Variants in RALB observed in about 807,000 individuals in gnomAD.
The protein encoded by RALB is RAS like proto-oncogene B.
In RALB, 16 loss-of-function variants were observed where a neutral mutation model predicts 21.3. The observed-to-expected ratio is 0.75, with a 90% CI of 0.51 to 1.14. RALB has a LOEUF of 1.14. Ranked by LOEUF, RALB falls within the 50% of genes most tolerant of loss-of-function variation. RALB has a pLI of 0.00. For synonymous variants in RALB, 93 were observed against 96.1 expected (o/e 0.97, Z 0.19); for missense variants, 161 against 256.2 (o/e 0.63, Z 2.54).
intron 1 of RALB, among the ~76,000 whole-genome samples, chr2:120,264,676 T>C (rs901545006): frequency 6.6e-6 from 1 of 152,208 alleles, no homozygotes; most frequent in African/African-American, 2.4e-5. Context: ...TTTACTTTGT[T>C]GTGCAGCCAT....
chr2:120,280,163 G>C (rs2104640990), intron 2 of RALB, among the ~76,000 whole-genome samples: 1 of 152,294 alleles, frequency 6.6e-6, no homozygotes, highest in Admixed American at 6.5e-5. Context: ...AGATCTTACA[G>C]CTTGTACAGT....
At chr2:120,289,333 C>A (rs1349519054) in intron 3 of RALB, among the ~76,000 whole-genome samples, 1 of 150,780 alleles carries the variant, frequency 6.6e-6, no homozygotes, top group Non-Finnish European at 1.5e-5. Context: ...AGACTGAGCC[C>A]AGAAATCTGC....
chr2:120,252,213 G>A (rs184242836), upstream of RALB, among the ~76,000 whole-genome samples: 2 of 152,222 alleles, frequency 1.3e-5, no homozygotes, highest in African/African-American at 4.8e-5. Context: ...GGCTTTGGCA[G>A]GGAGCTTGCC....
intron 3 of RALB, among the ~76,000 whole-genome samples, chr2:120,287,965 T>G (rs1690206364): frequency 6.6e-6 from 1 of 152,224 alleles, no homozygotes; most frequent in African/African-American, 2.4e-5. Flanking sequence ...ATCTTCCAAA[T>G]AGAAAGGCCC....
At chr2:120,288,353 TG>T (rs201020674) in intron 3 of RALB, among the ~76,000 whole-genome samples, 1 of 142,938 alleles carries the variant, frequency 7.0e-6, no homozygotes, top group Admixed American at 6.9e-5. Context: ...TTTTTTTTTT[TG>T]TTTTTTTTTT....
At chr2:120,258,466 AG>A (rs1365093029) in intron 1 of RALB, among the ~76,000 whole-genome samples, 2 of 152,226 alleles carry the variant, frequency 1.3e-5, no homozygotes, top group Non-Finnish European at 2.9e-5. Flanking sequence ...GAAGAAGGCA[AG>A]GAAAAGGCCA....
chr2:120,278,165 C>T (rs551850252), intron 1 of RALB, among the ~76,000 whole-genome samples: 15 of 151,844 alleles, frequency 9.9e-5, no homozygotes, highest in East Asian at 7.7e-4. Context: ...TGAGTGTGTG[C>T]GTGTTGTGGG....
intron 1 of RALB, among the ~76,000 whole-genome samples, chr2:120,274,050 G>C (rs2104623111): frequency 6.6e-6 from 1 of 152,286 alleles, no homozygotes; most frequent in African/African-American, 2.4e-5. Flanking sequence ...ACACGTGTTT[G>C]CAAGGATCCC....
chr2:120,241,734 A>C (rs961338371), intron 1 of RALB, among the ~76,000 whole-genome samples: 3 of 152,100 alleles, frequency 2.0e-5, no homozygotes, highest in African/African-American at 7.3e-5. Context: ...CTCAAAAAAA[A>C]CAAAAAAACA....
At chr2:120,277,946 A>AGCG (rs1491574763) in intron 1 of RALB, among the ~76,000 whole-genome samples, 2 of 69,774 alleles carry the variant, frequency 2.9e-5, no homozygotes, top group Non-Finnish European at 6.0e-5. Context: ...AGCGAGTGTG[A>AGCG]ATGTGTGAAT....
chr2:120,273,739 G>A (rs1689723884), intron 1 of RALB, among the ~76,000 whole-genome samples: 1 of 152,222 alleles, frequency 6.6e-6, no homozygotes, highest in Non-Finnish European at 1.5e-5. Context: ...TTCTTTCACT[G>A]TCAGAATCTT....
intron 1 of RALB, among the ~76,000 whole-genome samples, chr2:120,255,744 C>T: frequency 6.6e-6 from 1 of 152,144 alleles, no homozygotes; most frequent in East Asian, 1.9e-4. Context: ...AAAGTAGCTG[C>T]TTATAATTTT....
intron 2 of RALB, chr2:120,280,799 T>C (rs1558955255): frequency 5.3e-6 from 2 of 379,258 alleles, no homozygotes; most frequent in Non-Finnish European, 1.0e-5. Context: ...TTAACCATGC[T>C]AAAGGAAAGA....
intron 1 of RALB, among the ~76,000 whole-genome samples, chr2:120,267,788 A>AAT (rs199881494): frequency 8.6e-5 from 13 of 151,648 alleles, no homozygotes; most frequent in Non-Finnish European, 1.5e-4. Flanking sequence ...TAACTAAATG[A>AAT]ATATATATAT....
chr2:120,277,778 C>CA (rs1689859599), intron 1 of RALB, among the ~76,000 whole-genome samples: 1 of 150,088 alleles, frequency 6.7e-6, no homozygotes, highest in Non-Finnish European at 1.5e-5. Flanking sequence ...CGTGTGCTAG[C>CA]ATGTGTGAGC....
chr2:120,257,798 T>C (rs1029183202), intron 1 of RALB, among the ~76,000 whole-genome samples: 3 of 152,184 alleles, frequency 2.0e-5, no homozygotes, highest in African/African-American at 4.8e-5. Context: ...TCCCCCTCCT[T>C]CCTCCCACAG....
chr2:120,263,978 A>G (rs1481021391), intron 1 of RALB, among the ~76,000 whole-genome samples: 1 of 150,756 alleles, frequency 6.6e-6, no homozygotes, highest in African/African-American at 2.4e-5. Flanking sequence ...CCTCCCTGGG[A>G]GCTGGGATTA....
chr2:120,285,359 G>A lies in RALB; in HGVS notation c.115-515G>A, dbSNP rs76792258. Among the ~76,000 whole-genome samples the A allele has an allele frequency of 6.3e-3, 957 of 152,294 alleles. 8 individuals are homozygous for A. The highest frequency in any genetic ancestry group is 0.04 in the South Asian group (191 of 4,820). ...TTACAACCTAAATGATGAGATTTGG[G>A]TGGGGATGCAGAACCAGACCATATC... On this transcript the variant is annotated intron_variant, in intron 2 of 4. Transcript: ENST00000272519.
At position 120,268,075 on chromosome 2, in the gene RALB, C is replaced by T. The variant is rs139178138; in HGVS notation, c.-47-10543C>T. On this transcript the variant is annotated intron_variant, in intron 1 of 4. Transcript: ENST00000272519. ...AAAGTGCTGGGATTACAGGCATGAG[C>T]CACTGCACCTGGCCTAAATGAATTT... is the stretch of plus-strand genomic sequence containing the variant. Among the ~76,000 whole-genome samples the T allele has an allele frequency of 3.3e-5, 5 of 152,336 alleles. No homozygotes were observed. In the East Asian group the frequency reaches 9.6e-4, roughly 29 times the overall value.
Sources: gnomAD v4.1 joint callset for allele counts (sites outside exome capture counted in the v4.1 genomes callset) on GRCh38, gnomAD v4.1.1 for gene constraint, MANE v1.5 for transcripts, NCBI Gene and HGNC (gene_info 2026-07-23, HGNC 2026-07-21) for gene names.